Variants in ATR observed in about 807,000 individuals in gnomAD.
ATR encodes serine/threonine-protein kinase ATR.
In ATR, 142 loss-of-function variants were observed where a neutral mutation model predicts 305.3. The observed-to-expected ratio is 0.47, with a 90% CI of 0.41 to 0.53. ATR has a LOEUF of 0.53. ATR is among the 20% of genes least tolerant of loss of function. ATR has a pLI of 0.00. For missense variants in ATR, 2,135 were observed against 3,133.1 expected, an observed-to-expected ratio of 0.68 and a Z score of 7.60; for synonymous variants, 1,050 against 1,068.1, an observed-to-expected ratio of 0.98 and a Z score of 0.33.
intron 39 of ATR, among the ~76,000 whole-genome samples, chr3:142,466,820 T>C (rs902845791): frequency 3.3e-5 from 5 of 152,174 alleles, no homozygotes; most frequent in Non-Finnish European, 7.4e-5. Context: ...GAAACAGTTA[T>C]GTGTTTGATT....
At chr3:142,533,412 A>T (rs1577649461) in intron 21 of ATR, among the ~76,000 whole-genome samples, 2 of 152,348 alleles carry the variant, frequency 1.3e-5, no homozygotes, top group East Asian at 3.9e-4. Context: ...GCTACTGCTG[A>T]AGAGTATAGA....
intron 27 of ATR, among the ~76,000 whole-genome samples, chr3:142,509,545 A>ATTTTT (rs71629538): frequency 2.7e-5 from 2 of 73,816 alleles, no homozygotes; most frequent in Non-Finnish European, 5.0e-5. Context: ...TCAAATTCTG[A>ATTTTT]TTTTTTTTTT....
At position 142,553,835 on chromosome 3, in the gene ATR, A is replaced by T. The variant is rs1485974785; in HGVS notation, c.2522T>A (p.Phe841Tyr). The change falls in exon 11 of 47, where the codon TTT (phenylalanine) becomes TAT (tyrosine). Residue 841 changes from phenylalanine (F) to tyrosine (Y), a missense_variant. This residue lies in a region of ATR where 530 missense variants were observed against 766.8 expected (regional missense o/e 0.69). Coordinates refer to ENST00000350721, the MANE Select transcript of ATR (RefSeq NM_001184.4). ...ILESLDSEDGFIKELFVLRMK... is the reference protein window; with the variant it reads ...ILESLDSEDGYIKELFVLRMK... ...ACAAAAATTATCAACCTCCTTTATA[A>T]ATCCATCTTCAGAGTCCAAGGATTC... 1 of 1,613,442 alleles carries T rather than the reference A, an allele frequency of 6.2e-7. No individual in the cohort carries two copies.
chr3:142,484,633 G>C (rs1335920459), intron 36 of ATR, among the ~76,000 whole-genome samples: 1 of 152,140 alleles, frequency 6.6e-6, no homozygotes, highest in East Asian at 1.9e-4. Context: ...CCCAAGAGGA[G>C]GTTGTGAGAA....
intron 30 of ATR, among the ~76,000 whole-genome samples, chr3:142,502,093 C>T (rs2031997804): frequency 6.6e-6 from 1 of 152,112 alleles, no homozygotes; most frequent in South Asian, 2.1e-4. Flanking sequence ...GAAGGGGCTG[C>T]AGAGAAAAGA....
In ATR at chr3:142,519,747, G is replaced by A; in HGVS notation, c.4304C>T (p.Thr1435Ile). 1.9e-6 allele frequency: 3 copies of A among 1,613,952 alleles called. No individual in the cohort carries two copies. The highest frequency in any genetic ancestry group is 1.1e-5 in the South Asian group (1 of 91,072). Residue 1435 changes from threonine (T) to isoleucine (I), a missense_variant, in exon 24 of 47, where the codon ACC (threonine) becomes ATC (isoleucine). By Grantham distance (89) the Thr-to-Ile change is moderately conservative (BLOSUM62 -1). Around this residue, in one of 9 missense-constraint regions of ATR, gnomAD observed 202 missense variants for 252.9 expected, o/e 0.80. Transcript: ENST00000350721. ...CCACAATTGGTGACCTGGGCCGTTG[G>A]TCTCCATCTCTCTACAGTCATAAAT... ...LSIYDCREME[T>I]NGPGHQLWRR... is the part of the protein sequence containing the mutation.
chr3:142,509,024 A>AAATT (rs1431102601), intron 27 of ATR, among the ~76,000 whole-genome samples: 31 of 152,096 alleles, frequency 2.0e-4, no homozygotes, highest in African/African-American at 7.5e-4. Flanking sequence ...AAAAAGACAA[A>AAATT]AATTAAAAAC....
chr3:142,498,538 C>T (rs1397368957), intron 32 of ATR, 59 bp downstream of exon 32: 4 of 1,552,760 alleles, frequency 2.6e-6, no homozygotes, highest in East Asian at 2.3e-5. Context: ...AAAAAATTTT[C>T]CAATCCTGTC....
intron 46 of ATR, chr3:142,450,900 T>C (rs1577485342): frequency 7.9e-7 from 1 of 1,260,690 alleles, no homozygotes; most frequent in East Asian, 4.3e-5. Flanking sequence ...TTAAAAATGG[T>C]GAAAATAGCA....
In ATR at chr3:142,453,217, GAA is replaced by G; in HGVS notation, c.7670_7671del (p.Phe2557SerfsTer3). The part of the protein sequence containing the change: ...REPLMSVLKT[F>X]LHDPLVEWSK... ...CTCCATTCCACAAGAGGATCATGTAGAAAAGTCTTTAAGACACTAAAATTGAA... is the reference window on the plus strand; with the variant it reads ...CTCCATTCCACAAGAGGATCATGTAGAAGTCTTTAAGACACTAAAATTGAA... On this transcript the variant is annotated frameshift_variant, in exon 46 of 47. Coordinates refer to ENST00000350721, the MANE Select transcript of ATR (RefSeq NM_001184.4). LOFTEE classifies it high-confidence loss of function. 2 of 1,613,356 alleles carry G rather than the reference GAA, an allele frequency of 1.2e-6. No individual in the cohort carries two copies. Among genetic ancestry groups the G allele is most frequent in the Non-Finnish European group, 1.7e-6 (2 of 1,179,330 alleles).
At chr3:142,569,666 G>A (rs2108500005) in intron 1 of ATR, among the ~76,000 whole-genome samples, 1 of 145,648 alleles carries the variant, frequency 6.9e-6, no homozygotes, top group East Asian at 2.0e-4. Flanking sequence ...GGTTTTTTTT[G>A]AGACAGAGTC....
chr3:142,558,421 GCT>G (rs2034750480), intron 8 of ATR, among the ~76,000 whole-genome samples: 2 of 152,052 alleles, frequency 1.3e-5, no homozygotes, highest in Admixed American at 6.6e-5. Context: ...TACTCAGGAG[GCT>G]GAGGCAGGAA....
rs757912936 is a variant in ATR, at chr3:142,457,769, C to A, written c.7504-14G>T. 6.2e-7 allele frequency: 1 copy of A among 1,612,082 alleles called. No individual in the cohort carries two copies. Among genetic ancestry groups the A allele is most frequent in the African/African-American group, 1.3e-5 (1 of 74,904 alleles). On this transcript the variant is annotated splice_polypyrimidine_tract_variant and intron_variant, in intron 44 of 46. Coordinates refer to ENST00000350721, the MANE Select transcript of ATR (RefSeq NM_001184.4). ...AAAGGTTTCTCCCTTAGAAACAATACATTTTATTACAAACTAACAATGTTA... is the reference window on the plus strand; with the variant it reads ...AAAGGTTTCTCCCTTAGAAACAATAAATTTTATTACAAACTAACAATGTTA...
chr3:142,450,518 C>T (rs1184205387), intron 46 of ATR: 10 of 1,605,340 alleles, frequency 6.2e-6, no homozygotes, highest in Admixed American at 1.7e-5. Flanking sequence ...GAGGCTATTT[C>T]TCATATCCAG....
At chr3:142,563,667 C>T (rs963723216) in intron 3 of ATR, among the ~76,000 whole-genome samples, 1 of 152,088 alleles carries the variant, frequency 6.6e-6, no homozygotes, top group South Asian at 2.1e-4. Context: ...TTACAATGGC[C>T]TCTATGTGTT....
chr3:142,471,506 C>A (rs950250787), intron 36 of ATR, among the ~76,000 whole-genome samples: 1 of 152,088 alleles, frequency 6.6e-6, no homozygotes, highest in Non-Finnish European at 1.5e-5. Context: ...TGGGGACTTT[C>A]TTTTCCCCTT....
rs1477660666 is a variant in ATR, at chr3:142,538,406, T to TTA, written c.3725+74_3725+75dup. 10 of 1,492,188 alleles carry TTA rather than the reference T, an allele frequency of 6.7e-6. No individual in the cohort carries two copies. The East Asian group carries it at 2.1e-4, about 31-fold the overall frequency. 92.4% of individuals were successfully genotyped at this position (1,492,188 alleles called of 1,614,324 possible). ...ATTCAAAAAAGTGACAGTTTCCACA[T>TTA]TACCATCAGTAATTTTGAGACATAA... On this transcript the variant is annotated intron_variant, in intron 19 of 46. Coordinates refer to ENST00000350721, the MANE Select transcript of ATR (RefSeq NM_001184.4).
chr3:142,469,242 C>T, intron 38 of ATR, 95 bp downstream of exon 38: 1 of 991,358 alleles, frequency 1.0e-6, no homozygotes, highest in Non-Finnish European at 1.5e-6. Flanking sequence ...GGAGAGACGC[C>T]CTGGAACTTG....
chr3:142,521,311 G>C (rs1277569579), intron 23 of ATR, among the ~76,000 whole-genome samples: 1 of 152,122 alleles, frequency 6.6e-6, no homozygotes, highest in East Asian at 1.9e-4. Flanking sequence ...CATTGACAAT[G>C]TACCTGTCAC....
Sources: gnomAD v4.1 joint callset for allele counts (sites outside exome capture counted in the v4.1 genomes callset) on GRCh38, gnomAD v4.1.1 for gene constraint, gnomAD v4.1.1 regional missense constraint, MANE v1.5 for transcripts, NCBI Gene and HGNC (gene_info 2026-07-23, HGNC 2026-07-21) for gene names.